The following DIS3L2 variants were observed in gnomAD, a reference collection of about 807,000 sequenced individuals.
DIS3L2 encodes the protein DIS3-like exonuclease 2.
A neutral mutation model predicts 97.5 loss-of-function variants in DIS3L2; 34 were observed. That is an observed-to-expected ratio of 0.35 (90% CI 0.27 to 0.46). The LOEUF (loss-of-function observed/expected upper bound fraction) is 0.46. Ranked by LOEUF, DIS3L2 falls within the 20% of genes least tolerant of loss-of-function variation. The pLI is 1.00. For missense variants in DIS3L2, 1,038 were observed against 1,146.0 expected, an observed-to-expected ratio of 0.91 and a Z score of 1.36; for synonymous variants, 435 against 445.2, an observed-to-expected ratio of 0.98 and a Z score of 0.29.
Position 232,211,286 on chromosome 2 carries a change from A to ACTACTT in DIS3L2, c.1204+881_1204+882insCTACTT, listed in dbSNP as rs761244423. Among the ~76,000 whole-genome samples, 822 of 152,218 alleles carry ACTACTT rather than the reference A, an allele frequency of 5.4e-3. 3 individuals carry two copies. The highest frequency in any genetic ancestry group is 9.3e-3 in the African/African-American group (387 of 41,548). On this transcript the variant is annotated intron_variant, in intron 10 of 20. Transcript: ENST00000325385. ...CAGCCTCTCAAGTAGCTGAGACTAC[A>ACTACTT]GGTGTGTGCCACCAAGCCTGGCTAA...
intron 8 of DIS3L2, among the ~76,000 whole-genome samples, chr2:232,138,723 A>G (rs192147993): frequency 5.3e-5 from 8 of 152,272 alleles, no homozygotes; most frequent in Admixed American, 5.2e-4. Flanking sequence ...TGTGACGGTA[A>G]TACCTGCTGT....
chr2:232,263,031 C>G (rs1344136340), intron 12 of DIS3L2, among the ~76,000 whole-genome samples, 176 bp from the exon 13 acceptor site: 1 of 152,224 alleles, frequency 6.6e-6, no homozygotes, highest in East Asian at 1.9e-4. Flanking sequence ...TCCCTGAGGG[C>G]AGCAGCTTCC....
intron 7 of DIS3L2, among the ~76,000 whole-genome samples, chr2:232,132,714 G>A (rs533282457): frequency 6.6e-6 from 1 of 152,254 alleles, no homozygotes; most frequent in South Asian, 2.1e-4. Flanking sequence ...ACCGTAAGTG[G>A]TTAAGAGAAG....
chr2:232,116,129 AC>A (rs1372888123), intron 6 of DIS3L2, among the ~76,000 whole-genome samples: 1 of 152,022 alleles, frequency 6.6e-6, no homozygotes, highest in African/African-American at 2.4e-5. Flanking sequence ...CTGAGATTGC[AC>A]CATTGCACTC....
At chr2:232,333,460 T>G (rs773021316) in intron 16 of DIS3L2, among the ~76,000 whole-genome samples, 1 of 152,126 alleles carries the variant, frequency 6.6e-6, no homozygotes, top group Non-Finnish European at 1.5e-5. Flanking sequence ...GGACTGGACT[T>G]CGGAGGCTCA....
chr2:232,329,786 C>CCCGGGGGGGCCG, intron 14 of DIS3L2, 27 bp from the exon 15 acceptor site: 1 of 430,238 alleles, frequency 2.3e-6, no homozygotes, highest in Non-Finnish European at 4.2e-6. Flanking sequence ...CCCCAGCGGT[C>CCCGGGGGGGCCG]CCTCCCATCC....
chr2:232,176,479 A>G (rs1574927849), intron 9 of DIS3L2, among the ~76,000 whole-genome samples: 1 of 133,092 alleles, frequency 7.5e-6, no homozygotes, highest in African/African-American at 2.8e-5. Context: ...ATTTATTTCT[A>G]CTCTAATCTT....
chr2:232,246,695 A>T (rs1390978523), intron 11 of DIS3L2, among the ~76,000 whole-genome samples: 2 of 152,302 alleles, frequency 1.3e-5, no homozygotes, highest in Middle Eastern at 3.4e-3. Context: ...TCTGCACTTC[A>T]CTCACTGTAA....
intron 8 of DIS3L2, among the ~76,000 whole-genome samples, chr2:232,156,582 T>C (rs565596145): frequency 6.6e-6 from 1 of 152,240 alleles, no homozygotes; most frequent in South Asian, 2.1e-4. Flanking sequence ...GACTTTAGTA[T>C]TATATTTAAA....
At chr2:232,213,661 GTTTTTTT>G (rs67846645) in intron 10 of DIS3L2, among the ~76,000 whole-genome samples, 26 of 80,738 alleles carry the variant, frequency 3.2e-4, no homozygotes, top group South Asian at 1.9e-3. Context: ...ATCATCTGTA[GTTTTTTT>G]TTTTTTTTTT....
chr2:232,322,704 C>T (rs1240642833), intron 14 of DIS3L2, among the ~76,000 whole-genome samples: 2 of 152,228 alleles, frequency 1.3e-5, no homozygotes, highest in Non-Finnish European at 2.9e-5. Context: ...CCAGGCTTCT[C>T]TCTCGTTTTT....
intron 14 of DIS3L2, among the ~76,000 whole-genome samples, chr2:232,315,042 A>G (rs1695231732): frequency 6.6e-6 from 1 of 152,128 alleles, no homozygotes; most frequent in Non-Finnish European, 1.5e-5. Context: ...CCCTCATGCT[A>G]AGCTTTTTAA....
At chr2:232,336,207 C>CCAA (rs1453548247) in intron 20 of DIS3L2, 1 of 1,535,776 alleles carries the variant, frequency 6.5e-7, no homozygotes, top group Non-Finnish European at 8.8e-7. Flanking sequence ...ACCGTTTTCA[C>CCAA]CAACAGTGTG....
At chr2:232,183,808 A>G (rs1467454775) in intron 9 of DIS3L2, among the ~76,000 whole-genome samples, 2 of 152,178 alleles carry the variant, frequency 1.3e-5, no homozygotes, top group East Asian at 3.8e-4. Flanking sequence ...TGAAGGTCAA[A>G]TTAAGCAAAC....
chr2:232,277,740 T>C (rs1283999068), intron 13 of DIS3L2, among the ~76,000 whole-genome samples: 1 of 152,132 alleles, frequency 6.6e-6, no homozygotes, highest in Non-Finnish European at 1.5e-5. Context: ...GTTAAGTGAT[T>C]TTGTCAGTGT....
At chr2:232,136,854 T>G in intron 8 of DIS3L2, 135 bp downstream of exon 8, 1 of 1,179,334 alleles carries the variant, frequency 8.5e-7, no homozygotes, top group Non-Finnish European at 1.2e-6. Flanking sequence ...TTGGTCCTGA[T>G]TCTTCAGAAG....
chr2:232,106,105 G>A (rs946326327), intron 6 of DIS3L2, among the ~76,000 whole-genome samples: 2 of 151,992 alleles, frequency 1.3e-5, no homozygotes, highest in Non-Finnish European at 2.9e-5. Context: ...TCCATCTACT[G>A]ATCCCACTCT....
At chr2:232,336,381 A>C (rs749005456) in intron 20 of DIS3L2, 88 bp from the exon 21 acceptor site, 10 of 1,550,298 alleles carry the variant, frequency 6.5e-6, no homozygotes, top group East Asian at 2.4e-5. Context: ...AGGAGGGGCC[A>C]GGGGTCCTGC....
chr2:232,024,274 A>G lies in DIS3L2; in HGVS notation c.211-3A>G. 3 of 1,588,656 alleles carry G rather than the reference A, an allele frequency of 1.9e-6. No homozygotes were observed. Among genetic ancestry groups the G allele is most frequent in the Non-Finnish European group, 2.6e-6 (3 of 1,168,722 alleles). Reference sequence around the variant, plus strand: ...TTCACAAACTTTATTTTTTGTTTTAAAGGGTGTATTGAGAATTAATCCAAA... The same window carrying G: ...TTCACAAACTTTATTTTTTGTTTTAGAGGGTGTATTGAGAATTAATCCAAA... On this transcript the variant is annotated splice_polypyrimidine_tract_variant and splice_region_variant and intron_variant, in intron 3 of 20. Coordinates refer to ENST00000325385, the MANE Select transcript of DIS3L2 (RefSeq NM_152383.5).
Sources: allele counts gnomAD v4.1 joint callset (sites outside exome capture counted in the v4.1 genomes callset), GRCh38; gene constraint gnomAD v4.1.1; transcripts MANE v1.5; gene names NCBI Gene and HGNC (gene_info 2026-07-23, HGNC 2026-07-21).